The following NPSR1 variants were observed in gnomAD, a reference collection of about 807,000 sequenced individuals.
NPSR1 encodes the protein neuropeptide S receptor.
In NPSR1, 48 loss-of-function variants were observed where a neutral mutation model predicts 46.9. The ratio of observed to expected loss-of-function variants is 1.02; its 90% CI spans 0.81 to 1.30. The LOEUF (loss-of-function observed/expected upper bound fraction) is 1.30. Ranked by LOEUF, NPSR1 falls within the 50% of genes most tolerant of loss-of-function variation. The probability of loss-of-function intolerance (pLI) is 0.00; values close to 1 mark genes in which losing one functional copy is unlikely to be tolerated. For synonymous variants in NPSR1, 176 were observed against 168.1 expected, an observed-to-expected ratio of 1.05 and a Z score of -0.36; for missense variants, 450 against 449.5, an observed-to-expected ratio of 1.00 and a Z score of -0.01.
chr7:34,865,282 T>C (rs1043175032), intron 8 of NPSR1, among the ~76,000 whole-genome samples: 1 of 151,830 alleles, frequency 6.6e-6, no homozygotes, highest in African/African-American at 2.4e-5. Context: ...TCCTGCCTGA[T>C]ACACCCACAA....
At chr7:34,815,217 A>C (rs1789185852) in intron 4 of NPSR1, among the ~76,000 whole-genome samples, 1 of 152,200 alleles carries the variant, frequency 6.6e-6, no homozygotes, top group Admixed American at 6.5e-5. Context: ...CAGTGTAGAG[A>C]AGACCTTAAA....
chr7:34,691,885 G>A (rs1041681140), intron 2 of NPSR1, among the ~76,000 whole-genome samples: 4 of 152,204 alleles, frequency 2.6e-5, no homozygotes, highest in African/African-American at 9.6e-5. Context: ...AGGGGCTGAG[G>A]TGGTAGGATT....
chr7:34,782,629 C>G (rs73093010), intron 3 of NPSR1, among the ~76,000 whole-genome samples: 1 of 152,060 alleles, frequency 6.6e-6, no homozygotes, highest in East Asian at 1.9e-4. Flanking sequence ...GAAGGTGATT[C>G]TTTTTGGTTT....
chr7:34,795,736 C>T (rs1182002427), intron 3 of NPSR1, among the ~76,000 whole-genome samples: 1 of 151,996 alleles, frequency 6.6e-6, no homozygotes, highest in East Asian at 1.9e-4. Context: ...AACTACGAAA[C>T]TTGAATGAAA....
At chr7:34,848,905 C>G (rs11768189) in intron 8 of NPSR1, among the ~76,000 whole-genome samples, 10,495 of 152,330 alleles carry the variant, frequency 0.069, 472 homozygotes, top group Middle Eastern at 0.19. Flanking sequence ...TTAATCATGA[C>G]ACATCTAGAA....
chr7:34,776,242 C>T (rs1049522104), intron 2 of NPSR1, among the ~76,000 whole-genome samples: 6 of 152,094 alleles, frequency 3.9e-5, no homozygotes, highest in South Asian at 4.1e-4. Context: ...GATTAACTCT[C>T]GTGTTTCTTT....
intron 6 of NPSR1, among the ~76,000 whole-genome samples, chr7:34,841,935 G>T (rs1790579487): frequency 6.6e-6 from 1 of 152,140 alleles, no homozygotes; most frequent in Non-Finnish European, 1.5e-5. Flanking sequence ...CAGCCCATGG[G>T]TATAATCTCA....
At chr7:34,668,049 T>C (rs1158205794) in intron 1 of NPSR1, among the ~76,000 whole-genome samples, 1 of 151,804 alleles carries the variant, frequency 6.6e-6, no homozygotes, top group East Asian at 1.9e-4. Context: ...CTGGACAGAG[T>C]CTAAAGGATT....
chr7:34,827,346 T>G (rs1789903781), intron 4 of NPSR1, 55 bp from the exon 5 acceptor site: 4 of 1,505,214 alleles, frequency 2.7e-6, no homozygotes, highest in Non-Finnish European at 3.7e-6. Flanking sequence ...GACTCCATTG[T>G]GCTCCCAAAA....
At chr7:34,762,208 A>AATAAT (rs1786209898) in intron 2 of NPSR1, among the ~76,000 whole-genome samples, 1 of 152,178 alleles carries the variant, frequency 6.6e-6, no homozygotes, top group Non-Finnish European at 1.5e-5. Flanking sequence ...CTGTGAAGAG[A>AATAAT]GTGCTCTAAT....
chr7:34,825,613 C>G (rs1224622840), intron 4 of NPSR1, among the ~76,000 whole-genome samples: 1 of 152,126 alleles, frequency 6.6e-6, no homozygotes, highest in Non-Finnish European at 1.5e-5. Context: ...CTGAAGGTCA[C>G]CAGGGAGGGT....
At chr7:34,877,767 G>C (rs1295843769) in intron 8 of NPSR1, among the ~76,000 whole-genome samples, 1 of 152,158 alleles carries the variant, frequency 6.6e-6, no homozygotes, top group African/African-American at 2.4e-5. Context: ...TTTGAGTCAG[G>C]TGCTCAAAGA....
chr7:34,739,526 T>A (rs1429491396), intron 2 of NPSR1, among the ~76,000 whole-genome samples: 1 of 152,248 alleles, frequency 6.6e-6, no homozygotes, highest in Non-Finnish European at 1.5e-5. Context: ...GTTAACCATT[T>A]GTGTATCATC....
chr7:34,743,613 T>C lies in NPSR1; in HGVS notation c.281-34849T>C, dbSNP rs547355731. ...CACTACCACGCCTGGCTAATTTTTG[T>C]ATTTTTAGTACAGACGGGGTTTAAC... On this transcript the variant is annotated intron_variant, in intron 2 of 8. Transcript: ENST00000360581. Among the ~76,000 whole-genome samples, 8 of 152,280 alleles carry C rather than the reference T, an allele frequency of 5.3e-5. No homozygotes were observed. The East Asian group carries it at 1.5e-3, about 29-fold the overall frequency.
At chr7:34,808,111 C>A (rs1049411783) in intron 3 of NPSR1, among the ~76,000 whole-genome samples, 1 of 152,010 alleles carries the variant, frequency 6.6e-6, no homozygotes, top group African/African-American at 2.4e-5. Context: ...GAGCTTGGGC[C>A]GATATGGTCA....
chr7:34,691,013 G>T (rs1793223301), intron 2 of NPSR1, among the ~76,000 whole-genome samples: 2 of 152,116 alleles, frequency 1.3e-5, no homozygotes, highest in South Asian at 2.1e-4. Context: ...AATTTCATAA[G>T]ACTAATAGTG....
intron 3 of NPSR1, among the ~76,000 whole-genome samples, chr7:34,781,256 G>C (rs1283128913): frequency 6.6e-6 from 1 of 152,114 alleles, no homozygotes. Flanking sequence ...ATAGTTTCTA[G>C]AATGTAAGAA....
intron 2 of NPSR1, among the ~76,000 whole-genome samples, chr7:34,716,877 G>A (rs1783600467): frequency 6.6e-6 from 1 of 152,140 alleles, no homozygotes; most frequent in African/African-American, 2.4e-5. Context: ...GCCATTGCCT[G>A]CTTTGCACCA....
chr7:34,700,209 A>G (rs1290810236), intron 2 of NPSR1, among the ~76,000 whole-genome samples: 1 of 152,220 alleles, frequency 6.6e-6, no homozygotes, highest in Admixed American at 6.5e-5. Flanking sequence ...CGAGAGCACC[A>G]GAACAACAGA....
Sources: allele counts gnomAD v4.1 joint callset (sites outside exome capture counted in the v4.1 genomes callset), GRCh38; gene constraint gnomAD v4.1.1; transcripts MANE v1.5; gene names NCBI Gene and HGNC (gene_info 2026-07-23, HGNC 2026-07-21).